DZIP3: variants seen among roughly 807,000 people sequenced by gnomAD.
DZIP3 encodes E3 ubiquitin-protein ligase DZIP3.
DZIP3 carries 118 observed loss-of-function variants against 162.0 expected under a neutral mutation model. The ratio of observed to expected loss-of-function variants is 0.73; its 90% CI spans 0.63 to 0.85. DZIP3 has a LOEUF of 0.85. Among genes scored for constraint, DZIP3 ranks in the 40% least tolerant of loss-of-function variants. The pLI is 0.00. For synonymous variants in DZIP3, 438 were observed against 458.6 expected (o/e 0.96, Z 0.57); for missense variants, 1,331 against 1,407.0 (o/e 0.95, Z 0.86).
At chr3:108,647,417 T>C (rs551426391) in intron 15 of DZIP3, among the ~76,000 whole-genome samples, 1 of 152,240 alleles carries the variant, frequency 6.6e-6, no homozygotes, top group African/African-American at 2.4e-5. Context: ...TGCTGGACTC[T>C]CTGGAGACCA....
chr3:108,594,288 C>A (rs1388187098), intron 1 of DZIP3, among the ~76,000 whole-genome samples: 2 of 151,880 alleles, frequency 1.3e-5, no homozygotes, highest in East Asian at 3.9e-4. Context: ...TTAATTTCAT[C>A]CGTATACATT....
chr3:108,616,950 A>C lies in DZIP3; in HGVS notation c.375+293A>C, dbSNP rs187045728. On this transcript the variant is annotated intron_variant, in intron 5 of 32. Transcript: ENST00000361582. ...GTTCATCTTAAGAGAAACTTGAACTAATAGAAATGGGCTTTCCCAATCAGA... is the reference window on the plus strand; with the variant it reads ...GTTCATCTTAAGAGAAACTTGAACTCATAGAAATGGGCTTTCCCAATCAGA... 3.3e-5 allele frequency among the ~76,000 whole-genome samples: 5 copies of C among 152,304 alleles called. No homozygotes were observed. The East Asian group carries it at 9.6e-4, about 29-fold the overall frequency.
chr3:108,592,123 A>G (rs1939457218), intron 1 of DZIP3, among the ~76,000 whole-genome samples: 1 of 152,102 alleles, frequency 6.6e-6, no homozygotes, highest in African/African-American at 2.4e-5. Context: ...TTTTAGATTG[A>G]TTACTCTGGT....
intron 24 of DZIP3, 49 bp from the exon 25 acceptor site, chr3:108,675,737 G>C (rs758589066): frequency 6.6e-7 from 1 of 1,521,766 alleles, no homozygotes; most frequent in Non-Finnish European, 8.9e-7. Flanking sequence ...GGAAACCTAA[G>C]TGTTATAAAA....
intron 4 of DZIP3, among the ~76,000 whole-genome samples, chr3:108,612,663 T>C (rs1477211347): frequency 6.6e-6 from 1 of 152,190 alleles, no homozygotes; most frequent in Non-Finnish European, 1.5e-5. Flanking sequence ...CCGTATGTGT[T>C]ACACCATCTC....
chr3:108,682,678 T>C (rs1559784026), intron 26 of DZIP3, among the ~76,000 whole-genome samples: 3 of 150,668 alleles, frequency 2.0e-5, no homozygotes, highest in Admixed American at 2.0e-4. Context: ...AAAGGAAGGA[T>C]AAGTTCTGGC....
At chr3:108,654,570 G>A (rs940336424) in intron 19 of DZIP3, among the ~76,000 whole-genome samples, 3 of 151,900 alleles carry the variant, frequency 2.0e-5, no homozygotes, top group African/African-American at 7.3e-5. Flanking sequence ...GATTACAAAT[G>A]CATTTCTTGC....
At chr3:108,591,990 A>C (rs6799499) in intron 1 of DZIP3, among the ~76,000 whole-genome samples, 34,343 of 151,090 alleles carry the variant, frequency 0.23, 4,616 homozygotes, top group Non-Finnish European at 0.3. Flanking sequence ...AAAAAAAAAA[A>C]AAAAAAAGAG....
At chr3:108,661,338 A>C (rs1052863701) in intron 19 of DZIP3, among the ~76,000 whole-genome samples, 2 of 152,190 alleles carry the variant, frequency 1.3e-5, no homozygotes, top group African/African-American at 4.8e-5. Flanking sequence ...CTTTTTAGGG[A>C]CATGGAAGAA....
At chr3:108,671,685 G>T (rs1362528409) in intron 22 of DZIP3, among the ~76,000 whole-genome samples, 4 of 151,820 alleles carry the variant, frequency 2.6e-5, no homozygotes, top group Non-Finnish European at 5.9e-5. Context: ...CTATCATTGG[G>T]ATACAAAAAA....
At chr3:108,597,726 CTG>C (rs1350701285) in intron 1 of DZIP3, among the ~76,000 whole-genome samples, 2 of 152,196 alleles carry the variant, frequency 1.3e-5, no homozygotes, top group African/African-American at 2.4e-5. Flanking sequence ...ATATGTGAAA[CTG>C]TCCATTGAGG....
chr3:108,627,793 A>G (rs1366732833), intron 7 of DZIP3, among the ~76,000 whole-genome samples: 2 of 152,112 alleles, frequency 1.3e-5, no homozygotes, highest in South Asian at 2.1e-4. Context: ...ATGATTAACA[A>G]GCTTTTTCGT....
chr3:108,616,548 T>A lies in DZIP3; in HGVS notation c.266T>A (p.Val89Asp). The change falls in exon 5 of 33, where the codon GTT becomes GAT. Residue 89 changes from valine (V) to aspartate (D), a missense_variant. Physicochemically the swap from Val to Asp is radical, Grantham distance 152. This residue lies in a region of DZIP3 where 1,278 missense variants were observed against 1,317.1 expected (regional missense o/e 0.97). Coordinates refer to ENST00000361582, the MANE Select transcript of DZIP3 (RefSeq NM_014648.4). ...DFSFQTMQREVAANSQNGEEI... is the reference protein window; with the variant it reads ...DFSFQTMQREDAANSQNGEEI... ...CTGAATAATTTTCCACAGAGAGAAG[T>A]TGCAGCTAACAGCCAGAATGGTGAG... The A allele has an allele frequency of 6.2e-7, 1 of 1,606,654 alleles. No individual in the cohort carries two copies. Among genetic ancestry groups the A allele is most frequent in the South Asian group, 1.1e-5 (1 of 89,916 alleles).
chr3:108,684,175 G>T (rs537736076), intron 26 of DZIP3, 41 bp from the exon 27 acceptor site: 2 of 1,555,548 alleles, frequency 1.3e-6, no homozygotes, highest in African/African-American at 1.4e-5. Context: ...AAATATGTGG[G>T]GGGGGGTGTT....
In DZIP3 at chr3:108,674,325, TC is replaced by T. The variant is rs1258335326; in HGVS notation, c.2693+145del. The T allele has an allele frequency of 3.4e-5, 22 of 642,410 alleles. No individual in the cohort carries two copies. The African/African-American group carries it at 3.9e-4, about 11-fold the overall frequency. 39.8% of individuals were successfully genotyped at this position (642,410 alleles called of 1,614,324 possible). On this transcript the variant is annotated intron_variant, in intron 24 of 32. Coordinates refer to ENST00000361582, the MANE Select transcript of DZIP3 (RefSeq NM_014648.4). The stretch of plus-strand genomic sequence containing the variant: ...TCTTGTGGTTTTTTTGGGTTTTTTT[TC>T]ATTTTTTTCCCCCTGAAATTCCTTT...
intron 22 of DZIP3, 151 bp from the exon 23 acceptor site, chr3:108,672,409 C>G (rs918396557): frequency 3.1e-6 from 2 of 636,566 alleles, no homozygotes; most frequent in Admixed American, 5.7e-5. Context: ...AGGGATTGAA[C>G]AATGTATCTT....
At position 108,610,829 on chromosome 3, in the gene DZIP3, G is replaced by A. The variant is rs115724212; in HGVS notation, c.103-345G>A. On this transcript the variant is annotated intron_variant, in intron 3 of 32. Transcript: ENST00000361582. ...TATACAGCTCTGACTGAATTGAGAT[G>A]TTGAGTCATTCTACTTTACTACTTT... is the stretch of plus-strand genomic sequence containing the variant. 3.9e-3 allele frequency among the ~76,000 whole-genome samples: 590 copies of A among 152,314 alleles called. 2 individuals are homozygous for A. Among genetic ancestry groups the A allele is most frequent in the African/African-American group, 0.013 (558 of 41,572 alleles).
Position 108,672,605 on chromosome 3 carries a change from A to G in DZIP3, c.2538A>G (p.Lys846=). 1 of 1,612,220 alleles carries G rather than the reference A, an allele frequency of 6.2e-7. No individual in the cohort carries two copies. The highest frequency in any genetic ancestry group is 8.5e-7 in the Non-Finnish European group (1 of 1,178,760). Residue 846 remains lysine, a synonymous_variant, in exon 23 of 33, where the codon AAA becomes AAG. Transcript: ENST00000361582. ...MEKHNLESTM[K]TYVSKLNAET... is the part of the protein sequence containing the mutation. ...AACATAATCTGGAAAGCACAATGAAAACATACGTAAGCAAACTGAACGCAG... is the reference window on the plus strand; with the variant it reads ...AACATAATCTGGAAAGCACAATGAAGACATACGTAAGCAAACTGAACGCAG...
At chr3:108,692,889 ATATATAT>A (rs1244554817) in intron 32 of DZIP3, among the ~76,000 whole-genome samples, 1 of 147,304 alleles carries the variant, frequency 6.8e-6, no homozygotes, top group African/African-American at 2.5e-5. Flanking sequence ...ATAAGTTTTA[ATATATAT>A]TATATAAAAA....
Sources: gnomAD v4.1 joint callset for allele counts (sites outside exome capture counted in the v4.1 genomes callset) on GRCh38, gnomAD v4.1.1 for gene constraint, gnomAD v4.1.1 regional missense constraint, MANE v1.5 for transcripts, NCBI Gene and HGNC (gene_info 2026-07-23, HGNC 2026-07-21) for gene names.